The following RB1 variants were observed in gnomAD, a reference collection of about 807,000 sequenced individuals.
RB1 encodes RB transcriptional corepressor 1.
In RB1, 18 loss-of-function variants were observed where a neutral mutation model predicts 135.4. The ratio of observed to expected loss-of-function variants is 0.13; its 90% CI spans 0.09 to 0.20. The LOEUF (loss-of-function observed/expected upper bound fraction) is 0.20. Ranked by LOEUF, RB1 falls within the 10% of genes least tolerant of loss-of-function variation. The pLI is 1.00. For missense variants in RB1, 868 were observed against 1,110.0 expected (o/e 0.78, Z 3.10); for synonymous variants, 365 against 373.2 (o/e 0.98, Z 0.25).
chr13:48,385,304 G>T (rs573800674), intron 17 of RB1, among the ~76,000 whole-genome samples: 1 of 152,280 alleles, frequency 6.6e-6, no homozygotes, highest in South Asian at 2.1e-4. Context: ...ATCTGGTAAT[G>T]TTGGAAGAAG....
chr13:48,316,849 C>T (rs1952188633), intron 2 of RB1: 1 of 306,224 alleles, frequency 3.3e-6, no homozygotes, highest in Non-Finnish European at 6.6e-6. Context: ...ACCCACAACT[C>T]GAGGGCTTAG....
intron 17 of RB1, among the ~76,000 whole-genome samples, chr13:48,404,492 G>C (rs1948721822): frequency 6.6e-6 from 1 of 151,706 alleles, no homozygotes; most frequent in Non-Finnish European, 1.5e-5. Flanking sequence ...CAGATGGAAA[G>C]GGCCCATAGT....
rs749606588 is a variant in RB1, at chr13:48,362,801, T to C, written c.719-14T>C. Reference sequence around the variant, plus strand: ...GATGTACAATTGTTCTTATCTAATTTACCACTTTTACAGAAACAGCTGTTA... The same window carrying C: ...GATGTACAATTGTTCTTATCTAATTCACCACTTTTACAGAAACAGCTGTTA... On this transcript the variant is annotated splice_polypyrimidine_tract_variant and intron_variant, in intron 7 of 26. Transcript: ENST00000267163. 1.2e-6 allele frequency: 2 copies of C among 1,611,926 alleles called. No individual in the cohort carries two copies. The highest frequency in any genetic ancestry group is 1.7e-5 in the Admixed American group (1 of 60,016).
intron 17 of RB1, chr13:48,412,343 C>T: frequency 6.2e-7 from 1 of 1,613,620 alleles, no homozygotes; most frequent in Non-Finnish European, 8.5e-7. Flanking sequence ...CAAGCACAAA[C>T]ACCATGCTGA....
chr13:48,431,543 A>G (rs939177866), intron 17 of RB1, among the ~76,000 whole-genome samples: 1 of 152,214 alleles, frequency 6.6e-6, no homozygotes, highest in Non-Finnish European at 1.5e-5. Context: ...CTATTCCCAG[A>G]GCAAAATTTC....
rs541114092 is a variant in RB1 at position 48,439,809 on chromosome 13, G to A, written c.1696-13184G>A. The A allele has an allele frequency of 2.6e-5, 4 of 152,194 alleles. No individual in the cohort carries two copies. In the East Asian group the frequency reaches 7.7e-4, roughly 29 times the overall value. The allele number at this position is 152,194 out of a possible 1,614,324, so 9.4% of individuals were successfully genotyped here. A position where few individuals can be genotyped will look rare whatever the true frequency, so the allele number is the denominator to read the frequency against. ...GGAAGGTTTGAAAGAAGGCCTTTTT[G>A]AACCTAAGAAGACAAGAAATTGAAC... On this transcript the variant is annotated intron_variant, in intron 17 of 26. Transcript: ENST00000267163.
chr13:48,414,140 G>C (rs1252411885), intron 17 of RB1, among the ~76,000 whole-genome samples: 1 of 152,070 alleles, frequency 6.6e-6, no homozygotes, highest in Non-Finnish European at 1.5e-5. Context: ...CTGAGATCAG[G>C]AGTTTGAGAG....
At chr13:48,419,842 A>G (rs1334680554) in intron 17 of RB1, among the ~76,000 whole-genome samples, 1 of 152,250 alleles carries the variant, frequency 6.6e-6, no homozygotes, top group African/African-American at 2.4e-5. Context: ...AACCAGGAAG[A>G]AGTCGAATCC....
At chr13:48,460,268 C>A (rs1355320159) in intron 20 of RB1, among the ~76,000 whole-genome samples, 4 of 152,082 alleles carry the variant, frequency 2.6e-5, no homozygotes, top group African/African-American at 7.2e-5. Context: ...CCGCACCCAG[C>A]CTTGTTAAGT....
At chr13:48,479,684 A>G (rs1370009548) in intron 26 of RB1, among the ~76,000 whole-genome samples, 1 of 151,944 alleles carries the variant, frequency 6.6e-6, no homozygotes, top group East Asian at 1.9e-4. Flanking sequence ...TATCATAGTT[A>G]TACATATTTT....
intron 17 of RB1, among the ~76,000 whole-genome samples, chr13:48,400,928 C>T (rs540086430): frequency 1.1e-4 from 16 of 152,202 alleles, no homozygotes; most frequent in African/African-American, 3.6e-4. Context: ...GAGAATTTTT[C>T]TCTTCTCTTG....
chr13:48,379,804 A>G (rs1452276608), intron 14 of RB1, among the ~76,000 whole-genome samples, 154 bp downstream of exon 14: 1 of 151,974 alleles, frequency 6.6e-6, no homozygotes, highest in African/African-American at 2.4e-5. Context: ...TACTAAAAGT[A>G]CAAAAATTAG....
intron 2 of RB1, among the ~76,000 whole-genome samples, chr13:48,313,516 G>GTT (rs201399495): frequency 7.0e-6 from 1 of 143,032 alleles, no homozygotes; most frequent in Non-Finnish European, 1.5e-5. Flanking sequence ...TCAGTCTTGG[G>GTT]TTTTTTTTTG....
At position 48,336,133 on chromosome 13, in the gene RB1, A is replaced by G. The variant is rs141214599; in HGVS notation, c.265-6466A>G. Among the ~76,000 whole-genome samples, 1,409 of 151,932 alleles carry G rather than the reference A, an allele frequency of 9.3e-3. 18 individuals are homozygous for G. The highest frequency in any genetic ancestry group is 0.02 in the Middle Eastern group (6 of 294). ...TGCATCCATGTTCATCAGGGACATC[A>G]GTCTAAAATTCTCTTTTTTTGTTGT... is the stretch of plus-strand genomic sequence containing the variant. On this transcript the variant is annotated intron_variant, in intron 2 of 26. Coordinates refer to ENST00000267163, the MANE Select transcript of RB1 (RefSeq NM_000321.3).
At chr13:48,412,157 A>G (rs202132018) in intron 17 of RB1, 49 of 1,613,908 alleles carry the variant, frequency 3.0e-5, no homozygotes, top group Non-Finnish European at 4.0e-5. Flanking sequence ...CAGAAATCTT[A>G]CAAAGTAAAT....
At chr13:48,458,357 A>G (rs1949375266) in intron 19 of RB1, among the ~76,000 whole-genome samples, 1 of 152,176 alleles carries the variant, frequency 6.6e-6, no homozygotes, top group Non-Finnish European at 1.5e-5. Flanking sequence ...TTCCTAGTGC[A>G]TATCCACTTG....
intron 2 of RB1, among the ~76,000 whole-genome samples, chr13:48,326,411 A>G (rs913214991): frequency 2.6e-5 from 4 of 152,020 alleles, no homozygotes; most frequent in African/African-American, 9.7e-5. Context: ...ATTTTATTAA[A>G]GACATTCATC....
intron 19 of RB1, among the ~76,000 whole-genome samples, chr13:48,458,818 G>A (rs539878224): frequency 1.3e-4 from 20 of 152,180 alleles, no homozygotes; most frequent in Admixed American, 4.6e-4. Context: ...TGCATTTTCA[G>A]TAGTATTTTT....
chr13:48,312,613 CCTT>C (rs947956275), intron 2 of RB1, among the ~76,000 whole-genome samples: 2 of 152,178 alleles, frequency 1.3e-5, no homozygotes, highest in African/African-American at 4.8e-5. Context: ...ATACCAGACT[CCTT>C]CTATTTTAAA....
Sources: gnomAD v4.1 joint callset for allele counts (sites outside exome capture counted in the v4.1 genomes callset) on GRCh38, gnomAD v4.1.1 for gene constraint, MANE v1.5 for transcripts, NCBI Gene and HGNC (gene_info 2026-07-23, HGNC 2026-07-21) for gene names.